SAMD12: variants seen among roughly 807,000 people sequenced by gnomAD.
The protein encoded by SAMD12 is sterile alpha motif domain containing 12, also known as sterile alpha motif domain-containing protein 12.
Under a neutral mutation model 15.0 loss-of-function variants are expected in SAMD12, and 9 were observed. The ratio of observed to expected loss-of-function variants is 0.60; its 90% CI spans 0.36 to 1.05. SAMD12 has a LOEUF of 1.05. Ranked by LOEUF, SAMD12 falls within the 50% of genes least tolerant of loss-of-function variation. The pLI is 0.01. For missense variants in SAMD12, 230 were observed against 234.2 expected (o/e 0.98, Z 0.12); for synonymous variants, 86 against 90.1 (o/e 0.96, Z 0.25).
rs974914921 is a variant in SAMD12 at position 118,594,139 on chromosome 8, T to C, written c.14-13246A>G. On this transcript the variant is annotated intron_variant, in intron 1 of 3. Coordinates refer to ENST00000314727, the MANE Select transcript of SAMD12 (RefSeq NM_207506.3). ...GGATTCAGAGATAAATCAGCTCTGG[T>C]AAAGCTCACAGTTTACTAAAATAGT... 2.6e-5 allele frequency among the ~76,000 whole-genome samples: 4 copies of C among 151,828 alleles called. No individual in the cohort carries two copies. In the South Asian group the frequency reaches 8.3e-4, roughly 31 times the overall value.
At chr8:118,226,759 G>C (rs1236699975) in intron 4 of SAMD12, among the ~76,000 whole-genome samples, 1 of 152,176 alleles carries the variant, frequency 6.6e-6, no homozygotes, top group Non-Finnish European at 1.5e-5. Flanking sequence ...AAGTTCCATG[G>C]GTGCACAGAG....
At chr8:118,314,936 C>T (rs529896746) in intron 4 of SAMD12, among the ~76,000 whole-genome samples, 6 of 152,296 alleles carry the variant, frequency 3.9e-5, no homozygotes, top group African/African-American at 1.2e-4. Context: ...TGTCCAACAG[C>T]GTTCTTTTTA....
chr8:118,267,286 A>C (rs1197918696), intron 4 of SAMD12, among the ~76,000 whole-genome samples: 1 of 152,160 alleles, frequency 6.6e-6, no homozygotes, highest in Non-Finnish European at 1.5e-5. Context: ...AGACTTCATA[A>C]ATGCCCAAGA....
At chr8:118,460,005 GCTGT>G (rs757689376) in intron 2 of SAMD12, among the ~76,000 whole-genome samples, 5 of 152,174 alleles carry the variant, frequency 3.3e-5, no homozygotes, top group African/African-American at 9.7e-5. Context: ...ACTGTAAGGG[GCTGT>G]CTATTTTAAA....
At chr8:118,296,325 C>T (rs1787519682) in intron 4 of SAMD12, among the ~76,000 whole-genome samples, 1 of 152,192 alleles carries the variant, frequency 6.6e-6, no homozygotes, top group South Asian at 2.1e-4. Flanking sequence ...TCAGTTTTTG[C>T]TTGAACTTGT....
At chr8:118,163,647 G>A in the SAMD12 span, among the ~76,000 whole-genome samples, 19 of 151,466 alleles carry the variant, frequency 1.3e-4, no homozygotes, top group African/African-American at 3.9e-4. Flanking sequence ...AGGCCGAGGC[G>A]GGCGGATCAC....
chr8:118,612,006 C>A (rs1375418692), intron 1 of SAMD12, among the ~76,000 whole-genome samples: 2 of 152,120 alleles, frequency 1.3e-5, no homozygotes, highest in African/African-American at 4.8e-5. Flanking sequence ...AGTTCTAAAT[C>A]AGAATCACAC....
intron 2 of SAMD12, among the ~76,000 whole-genome samples, chr8:118,559,413 G>C (rs1310471416): frequency 6.6e-6 from 1 of 152,094 alleles, no homozygotes; most frequent in Non-Finnish European, 1.5e-5. Context: ...CTCTAGCAAG[G>C]GCTCCACAGG....
chr8:118,384,378 C>T (rs995033501), intron 3 of SAMD12, among the ~76,000 whole-genome samples: 1 of 152,094 alleles, frequency 6.6e-6, no homozygotes, highest in Non-Finnish European at 1.5e-5. Context: ...GGATTTGAGG[C>T]AGAGGTATAT....
At chr8:118,513,740 C>T (rs61505196) in intron 2 of SAMD12, among the ~76,000 whole-genome samples, 2,760 of 152,238 alleles carry the variant, frequency 0.018, 80 homozygotes, top group African/African-American at 0.061. Context: ...ACTCTATTGT[C>T]TACTGGGGAC....
At chr8:118,317,721 G>A (rs1282230405) in intron 4 of SAMD12, among the ~76,000 whole-genome samples, 3 of 152,110 alleles carry the variant, frequency 2.0e-5, no homozygotes, top group Admixed American at 6.5e-5. Flanking sequence ...AAAGTTTGGT[G>A]AACTGTACAA....
intron 2 of SAMD12, among the ~76,000 whole-genome samples, chr8:118,443,760 T>A (rs1482407439): frequency 6.6e-6 from 1 of 152,204 alleles, no homozygotes; most frequent in African/African-American, 2.4e-5. Context: ...CCTGAACTTC[T>A]CTTTTTGTAG....
intron 4 of SAMD12, among the ~76,000 whole-genome samples, chr8:118,209,559 C>G (rs1819960255): frequency 6.6e-6 from 1 of 152,162 alleles, no homozygotes; most frequent in Non-Finnish European, 1.5e-5. Flanking sequence ...TGGCATGAGT[C>G]TCAAACCTGC....
chr8:118,497,947 T>C (rs568080492), intron 2 of SAMD12, among the ~76,000 whole-genome samples: 6 of 150,950 alleles, frequency 4.0e-5, no homozygotes, highest in Admixed American at 3.3e-4. Flanking sequence ...AAAACCAAAA[T>C]GAAATTTTCA....
chr8:118,587,202 T>C (rs1827473600), intron 1 of SAMD12, among the ~76,000 whole-genome samples: 1 of 152,240 alleles, frequency 6.6e-6, no homozygotes, highest in Non-Finnish European at 1.5e-5. Context: ...GTCTTGCTTC[T>C]AGCTAAAGTT....
At chr8:118,147,721 T>C in the SAMD12 span, among the ~76,000 whole-genome samples, 338 of 151,950 alleles carry the variant, frequency 2.2e-3, 2 homozygotes, top group African/African-American at 7.8e-3. Context: ...ATAGTTAATA[T>C]GCAAAGAAAG....
the SAMD12 span, among the ~76,000 whole-genome samples, chr8:118,151,678 A>T: frequency 3.3e-5 from 5 of 151,970 alleles, no homozygotes; most frequent in African/African-American, 1.2e-4. Context: ...AATACAAAAA[A>T]AATTAGCCAG....
intron 2 of SAMD12, among the ~76,000 whole-genome samples, chr8:118,447,311 T>C (rs75322485): frequency 0.018 from 2,759 of 152,142 alleles, 90 homozygotes; most frequent in African/African-American, 0.063. Context: ...CTTTTTTTTT[T>C]TTCTTTTTTG....
At chr8:118,159,718 T>C in the SAMD12 span, among the ~76,000 whole-genome samples, 1,573 of 27,140 alleles carry the variant, frequency 0.058, 34 homozygotes, top group African/African-American at 0.16. Context: ...TCTTTTTTTT[T>C]CTTTTTTTTT....
Sources: allele counts gnomAD v4.1 joint callset (sites outside exome capture counted in the v4.1 genomes callset), GRCh38; gene constraint gnomAD v4.1.1; transcripts MANE v1.5; gene names NCBI Gene and HGNC (gene_info 2026-07-23, HGNC 2026-07-21).